The following MALRD1 variants were observed in gnomAD, a reference collection of about 807,000 sequenced individuals.
The protein encoded by MALRD1 is MAM and LDL receptor class A domain containing 1.
A neutral mutation model predicts 242.1 loss-of-function variants in MALRD1; 247 were observed. The ratio of observed to expected loss-of-function variants is 1.02; its 90% CI spans 0.92 to 1.13. The LOEUF (loss-of-function observed/expected upper bound fraction) is 1.13, where lower values mean the gene tolerates loss of function less well. Among genes scored for constraint, MALRD1 ranks in the 50% most tolerant of loss-of-function variants. The probability of loss-of-function intolerance (pLI) is 0.00; values close to 1 mark genes in which losing one functional copy is unlikely to be tolerated. For synonymous variants in MALRD1, 995 were observed against 866.6 expected, an observed-to-expected ratio of 1.15 and a Z score of -2.60; for missense variants, 2,989 against 2,533.1, an observed-to-expected ratio of 1.18 and a Z score of -3.86.
chr10:19,718,004 AT>A lies in MALRD1; in HGVS notation c.6315-12701del, dbSNP rs776823790. Among the ~76,000 whole-genome samples, 130 of 149,072 alleles carry A rather than the reference AT, an allele frequency of 8.7e-4. 1 individual carries two copies. Among genetic ancestry groups the A allele is most frequent in the East Asian group, 1.6e-3 (8 of 5,080 alleles). On this transcript the variant is annotated intron_variant, in intron 38 of 39. Coordinates refer to ENST00000454679, the MANE Select transcript of MALRD1 (RefSeq NM_001142308.3). ...TGCACTCCAGAGAGATTCTACCTAA[AT>A]AAATAAATAAATAAATAAATAAATA...
At chr10:19,288,400 T>C (rs1278640311) in intron 21 of MALRD1, among the ~76,000 whole-genome samples, 1 of 152,096 alleles carries the variant, frequency 6.6e-6, no homozygotes, top group Non-Finnish European at 1.5e-5. Context: ...ATTCTTTCTA[T>C]TTTTTATATC....
chr10:19,707,029 C>T (rs924323630), intron 38 of MALRD1, among the ~76,000 whole-genome samples: 1 of 151,208 alleles, frequency 6.6e-6, no homozygotes, highest in Admixed American at 6.6e-5. Context: ...TCCTCCTTCT[C>T]CTTCTCTTCC....
intron 20 of MALRD1, among the ~76,000 whole-genome samples, chr10:19,281,639 T>C (rs915025944): frequency 1.1e-4 from 16 of 152,190 alleles, no homozygotes; most frequent in African/African-American, 3.9e-4. Context: ...GCTTGTAAAC[T>C]ATACAGATTT....
intron 28 of MALRD1, among the ~76,000 whole-genome samples, chr10:19,438,642 T>G (rs2130974114): frequency 6.6e-6 from 1 of 152,306 alleles, no homozygotes; most frequent in Non-Finnish European, 1.5e-5. Flanking sequence ...TTCCTATTTC[T>G]TTGCCTCTTC....
At chr10:19,406,894 AAC>A (rs1418368322) in intron 28 of MALRD1, among the ~76,000 whole-genome samples, 1 of 152,174 alleles carries the variant, frequency 6.6e-6, no homozygotes. Context: ...TCTCCATAAA[AAC>A]ACAAAATAGG....
intron 36 of MALRD1, among the ~76,000 whole-genome samples, chr10:19,676,233 T>C (rs886658853): frequency 6.6e-6 from 1 of 152,084 alleles, no homozygotes; most frequent in South Asian, 2.1e-4. Context: ...TGTGGGAAAG[T>C]AGTAAAGGTT....
chr10:19,555,924 G>A (rs554631863), intron 32 of MALRD1, among the ~76,000 whole-genome samples: 2 of 152,160 alleles, frequency 1.3e-5, no homozygotes, highest in African/African-American at 4.8e-5. Flanking sequence ...GAGAAAAGGA[G>A]GGTGACTAAA....
intron 21 of MALRD1, among the ~76,000 whole-genome samples, chr10:19,321,501 T>G (rs1842913583): frequency 6.6e-6 from 1 of 152,176 alleles, no homozygotes; most frequent in African/African-American, 2.4e-5. Flanking sequence ...TTTTAATTGA[T>G]GCATGATAGA....
chr10:19,422,935 T>G (rs144627558), intron 28 of MALRD1, among the ~76,000 whole-genome samples: 1 of 152,190 alleles, frequency 6.6e-6, no homozygotes, highest in Non-Finnish European at 1.5e-5. Flanking sequence ...CATCAGTAAG[T>G]AGGCTCTGGT....
intron 12 of MALRD1, among the ~76,000 whole-genome samples, chr10:19,158,440 C>G (rs946697714): frequency 2.0e-5 from 3 of 152,054 alleles, no homozygotes; most frequent in African/African-American, 7.2e-5. Context: ...TAGTTGAAAC[C>G]AGAGATAGGT....
intron 2 of MALRD1, among the ~76,000 whole-genome samples, chr10:19,084,737 A>G (rs1316479344): frequency 6.6e-6 from 1 of 151,914 alleles, no homozygotes; most frequent in Non-Finnish European, 1.5e-5. Flanking sequence ...TATTTTATAT[A>G]CCTCCTTTTT....
At chr10:19,361,775 C>A (rs567905499) in intron 26 of MALRD1, among the ~76,000 whole-genome samples, 2 of 152,202 alleles carry the variant, frequency 1.3e-5, no homozygotes, top group South Asian at 2.1e-4. Context: ...ATGTAAAATT[C>A]TCTCCATAAA....
chr10:19,668,714 C>G (rs904913715), intron 36 of MALRD1, among the ~76,000 whole-genome samples: 2 of 151,928 alleles, frequency 1.3e-5, no homozygotes, highest in Non-Finnish European at 2.9e-5. Flanking sequence ...TATAATACAA[C>G]ACTCAAAAAT....
chr10:19,575,632 T>G (rs964168308), intron 33 of MALRD1, among the ~76,000 whole-genome samples: 1 of 152,182 alleles, frequency 6.6e-6, no homozygotes, highest in Admixed American at 6.5e-5. Flanking sequence ...AAAAATCTCT[T>G]GGTTATGAAT....
intron 10 of MALRD1, among the ~76,000 whole-genome samples, chr10:19,144,878 C>G (rs1181131710): frequency 4.6e-5 from 7 of 152,128 alleles, no homozygotes; most frequent in Non-Finnish European, 1.0e-4. Flanking sequence ...ATACTTGGAA[C>G]TCAGTGGTAG....
intron 36 of MALRD1, among the ~76,000 whole-genome samples, chr10:19,661,556 G>A (rs548993507): frequency 6.6e-6 from 1 of 152,200 alleles, no homozygotes; most frequent in South Asian, 2.1e-4. Flanking sequence ...AACGCTGCAT[G>A]TTCTCACTCA....
intron 21 of MALRD1, among the ~76,000 whole-genome samples, chr10:19,283,570 TC>T (rs766224099): frequency 2.2e-4 from 34 of 152,094 alleles, no homozygotes; most frequent in Non-Finnish European, 3.5e-4. Flanking sequence ...CTCCCTTTTT[TC>T]CCCTCCCCTT....
At chr10:19,610,511 C>G (rs189656033) in intron 35 of MALRD1, among the ~76,000 whole-genome samples, 181 of 152,102 alleles carry the variant, frequency 1.2e-3, no homozygotes, top group African/African-American at 3.8e-3. Context: ...CCCTCTGAGA[C>G]TTGGTTTGTT....
chr10:19,493,054 G>A (rs542816398), intron 30 of MALRD1, among the ~76,000 whole-genome samples: 1 of 151,840 alleles, frequency 6.6e-6, no homozygotes, highest in Non-Finnish European at 1.5e-5. Flanking sequence ...TAATTTAATG[G>A]CATTAAGTAC....
Sources: gnomAD v4.1 joint callset for allele counts (sites outside exome capture counted in the v4.1 genomes callset) on GRCh38, gnomAD v4.1.1 for gene constraint, MANE v1.5 for transcripts, NCBI Gene and HGNC (gene_info 2026-07-23, HGNC 2026-07-21) for gene names.